SLC22A23: variants seen among roughly 807,000 people sequenced by gnomAD.
SLC22A23 encodes ion transporter protein.
A neutral mutation model predicts 61.0 loss-of-function variants in SLC22A23; 26 were observed. The observed-to-expected ratio is 0.43, with a 90% confidence interval of 0.31 to 0.59. SLC22A23 has a LOEUF of 0.59. Among genes scored for constraint, SLC22A23 ranks in the 20% least tolerant of loss-of-function variants. The probability of loss-of-function intolerance (pLI) is 0.11; values close to 1 mark genes in which losing one functional copy is unlikely to be tolerated. For synonymous variants in SLC22A23, 430 were observed against 413.9 expected (o/e 1.04, Z -0.47); for missense variants, 796 against 934.7 (o/e 0.85, Z 1.94).
intron 4 of SLC22A23, among the ~76,000 whole-genome samples, chr6:3,305,046 A>G (rs112906906): frequency 1.1e-4 from 16 of 152,212 alleles, no homozygotes; most frequent in African/African-American, 3.9e-4. Context: ...CTACATGACC[A>G]TCTCCACTGG....
At chr6:3,451,117 A>G (rs1051945677) in intron 1 of SLC22A23, among the ~76,000 whole-genome samples, 2 of 152,276 alleles carry the variant, frequency 1.3e-5, no homozygotes, top group African/African-American at 4.8e-5. Flanking sequence ...ATTATTGGCA[A>G]AAGTTCTAGA....
chr6:3,293,058 A>G (rs996852894), intron 5 of SLC22A23, among the ~76,000 whole-genome samples: 1 of 152,218 alleles, frequency 6.6e-6, no homozygotes, highest in African/African-American at 2.4e-5. Context: ...CCACTCGCCC[A>G]AGACCAGGCT....
At chr6:3,335,677 G>C (rs1227918301) in intron 3 of SLC22A23, among the ~76,000 whole-genome samples, 1 of 152,214 alleles carries the variant, frequency 6.6e-6, no homozygotes, top group Admixed American at 6.5e-5. Context: ...CTTCTTTCCT[G>C]GGGGCTCCAT....
In SLC22A23 at chr6:3,456,397, G is replaced by C; in HGVS notation, c.163C>G (p.Pro55Ala). Reference sequence around the variant, plus strand: ...TGCGGGCCGCCTCCAGGATGCAGTGGGGGCAGCGGCTGGATCTCCGCGCCG... The same window carrying C: ...TGCGGGCCGCCTCCAGGATGCAGTGCGGGCAGCGGCTGGATCTCCGCGCCG... Reference protein sequence around the residue: ...GGGAEIQPLPPLHPGGGPHPS... With the variant: ...GGGAEIQPLPALHPGGGPHPS... The change falls in exon 1 of 10, where the codon CCA becomes GCA. Residue 55 changes from proline to alanine, a missense_variant. Physicochemically the swap from Pro to Ala is conservative, Grantham distance 27. Coordinates refer to ENST00000406686, the MANE Select transcript of SLC22A23 (RefSeq NM_015482.2). This position sits in a 1 kb window ranked among gnomAD's most constrained non-coding sequence, Gnocchi z 7.1. The C allele has an allele frequency of 4.0e-6, 6 of 1,510,966 alleles. No individual in the cohort carries two copies. In the South Asian group the frequency reaches 6.1e-5, roughly 15 times the overall value. 93.6% of individuals were successfully genotyped at this position (1,510,966 alleles called of 1,614,324 possible).
At chr6:3,395,824 A>G (rs888720120) in intron 3 of SLC22A23, among the ~76,000 whole-genome samples, 2 of 152,200 alleles carry the variant, frequency 1.3e-5, no homozygotes, top group Non-Finnish European at 2.9e-5. Flanking sequence ...ACCCATCATG[A>G]GTCAGTGGGT....
intron 1 of SLC22A23, among the ~76,000 whole-genome samples, chr6:3,448,955 G>A (rs1372276391): frequency 2.0e-5 from 3 of 152,194 alleles, no homozygotes; most frequent in Non-Finnish European, 4.4e-5. Flanking sequence ...AGATGAAGAA[G>A]GAAAGGGAGA....
At chr6:3,288,008 CCT>C (rs1185880594) in intron 6 of SLC22A23, among the ~76,000 whole-genome samples, 2 of 152,150 alleles carry the variant, frequency 1.3e-5, no homozygotes, top group East Asian at 1.9e-4. Flanking sequence ...TTAATTTATC[CCT>C]GTTTCCCCTC....
intron 3 of SLC22A23, among the ~76,000 whole-genome samples, chr6:3,331,741 T>C (rs1331339342): frequency 6.6e-6 from 1 of 152,208 alleles, no homozygotes; most frequent in Non-Finnish European, 1.5e-5. Flanking sequence ...GCTTAAGAAT[T>C]TAAATTAATG....
At chr6:3,373,006 G>A (rs1358030447) in intron 3 of SLC22A23, among the ~76,000 whole-genome samples, 3 of 152,206 alleles carry the variant, frequency 2.0e-5, no homozygotes, top group African/African-American at 4.8e-5. Context: ...GCCTGCCTGC[G>A]AGGCTGGTTC....
At chr6:3,282,171 A>AT (rs2127303167) in intron 9 of SLC22A23, 1 of 702,316 alleles carries the variant, frequency 1.4e-6, no homozygotes, top group Non-Finnish European at 2.6e-6. Flanking sequence ...ATTCTGGTCT[A>AT]TTGAAAGACT....
intron 6 of SLC22A23, among the ~76,000 whole-genome samples, chr6:3,287,611 C>T (rs1413468982): frequency 1.3e-5 from 2 of 152,014 alleles, no homozygotes; most frequent in Non-Finnish European, 2.9e-5. Flanking sequence ...ACTCCACCCA[C>T]ACAGCCTGGA....
intron 2 of SLC22A23, among the ~76,000 whole-genome samples, chr6:3,412,149 C>T (rs1333096927): frequency 6.6e-6 from 1 of 152,154 alleles, no homozygotes; most frequent in Non-Finnish European, 1.5e-5. Flanking sequence ...TGCGTTTCCA[C>T]GTCCCTGATG....
intron 4 of SLC22A23, among the ~76,000 whole-genome samples, chr6:3,306,836 G>T (rs1027505080): frequency 1.3e-5 from 2 of 152,218 alleles, no homozygotes; most frequent in Admixed American, 6.5e-5. Context: ...TCAGGACAAG[G>T]ACGCTGTCTA....
intron 9 of SLC22A23, among the ~76,000 whole-genome samples, chr6:3,275,295 C>T (rs1486566609): frequency 1.3e-5 from 2 of 152,232 alleles, no homozygotes; most frequent in South Asian, 2.1e-4. Flanking sequence ...CCCTTCACAT[C>T]ATGTAAAAAA....
chr6:3,406,303 G>C (rs944578055), intron 3 of SLC22A23, among the ~76,000 whole-genome samples: 2 of 152,118 alleles, frequency 1.3e-5, no homozygotes, highest in Non-Finnish European at 2.9e-5. Context: ...TTTGAAGAAA[G>C]ACACATCCTT....
At chr6:3,439,553 C>T (rs925424430) in intron 1 of SLC22A23, 2 of 202,682 alleles carry the variant, frequency 9.9e-6, no homozygotes, top group African/African-American at 2.3e-5. Context: ...AGATAAGCTA[C>T]ATAACTCTTC....
Position 3,272,836 on chromosome 6 carries a change from G to T in SLC22A23, c.*219C>A. On this transcript the variant is annotated 3_prime_UTR_variant, in exon 10 of 10. Coordinates refer to ENST00000406686, the MANE Select transcript of SLC22A23 (RefSeq NM_015482.2). Reference sequence around the variant, plus strand: ...ACCAAAATAAATACACACATTTAACGGCAGAAAAGAAAGTCTTGAAAGGGT... The same window carrying T: ...ACCAAAATAAATACACACATTTAACTGCAGAAAAGAAAGTCTTGAAAGGGT... 2.1e-6 allele frequency: 1 copy of T among 474,032 alleles called. No homozygotes were observed. The highest frequency in any genetic ancestry group is 3.7e-6 in the Non-Finnish European group (1 of 269,300). The allele number at this position is 474,032 out of a possible 1,614,324, so 29.4% of individuals were successfully genotyped here.
At chr6:3,287,406 G>A (rs760751907) in intron 6 of SLC22A23, among the ~76,000 whole-genome samples, 2 of 152,182 alleles carry the variant, frequency 1.3e-5, no homozygotes, top group Non-Finnish European at 2.9e-5. Context: ...AATCCTCCAA[G>A]ACAAAGCGCT....
chr6:3,442,860 G>A (rs778919338), intron 1 of SLC22A23, among the ~76,000 whole-genome samples: 30 of 151,042 alleles, frequency 2.0e-4, no homozygotes, highest in Non-Finnish European at 4.0e-4. Context: ...GCATTCCTAC[G>A]ACTTAACATC....
Sources: allele counts gnomAD v4.1 joint callset (sites outside exome capture counted in the v4.1 genomes callset), GRCh38; gene constraint gnomAD v4.1.1; non-coding constraint Gnocchi (gnomAD v3.1); transcripts MANE v1.5; gene names NCBI Gene and HGNC (gene_info 2026-07-23, HGNC 2026-07-21).